The following FGD5 variants were observed in gnomAD, a reference collection of about 807,000 sequenced individuals.
FGD5 encodes FYVE, RhoGEF and PH domain-containing protein 5.
FGD5 carries 28 observed loss-of-function variants against 133.4 expected under a neutral mutation model. That is an observed-to-expected ratio of 0.21 (90% CI 0.16 to 0.29). The LOEUF is 0.29. Among genes scored for constraint, FGD5 ranks in the 10% least tolerant of loss-of-function variants. The probability of loss-of-function intolerance (pLI) is 1.00; values close to 1 mark genes in which losing one functional copy is unlikely to be tolerated. For missense variants in FGD5, 1,858 were observed against 1,895.2 expected (o/e 0.98, Z 0.36); for synonymous variants, 810 against 776.5 (o/e 1.04, Z -0.72).
At chr3:14,894,054 G>A (rs143017334) in intron 4 of FGD5, among the ~76,000 whole-genome samples, 7 of 152,078 alleles carry the variant, frequency 4.6e-5, no homozygotes, top group African/African-American at 1.2e-4. Context: ...CACTGTGGCC[G>A]GCCTTGTTTC....
chr3:14,902,791 C>G (rs2038266590), intron 9 of FGD5, among the ~76,000 whole-genome samples: 1 of 152,284 alleles, frequency 6.6e-6, no homozygotes, highest in South Asian at 2.1e-4. Context: ...CCACATTTCC[C>G]TTTAGCCGGG....
chr3:14,924,147 G>A lies in FGD5; in HGVS notation c.4068+9G>A. 6.2e-7 allele frequency: 1 copy of A among 1,613,978 alleles called. No individual in the cohort carries two copies. The highest frequency in any genetic ancestry group is 8.5e-7 in the Non-Finnish European group (1 of 1,179,890). On this transcript the variant is annotated intron_variant, in intron 17 of 19. Coordinates refer to ENST00000285046, the MANE Select transcript of FGD5 (RefSeq NM_152536.4). ...CTTCAGCCCTGACAGAGGTAAAGCA[G>A]GCAGGGCTACCCAAGTGGGAAGTAG...
intron 1 of FGD5, among the ~76,000 whole-genome samples, chr3:14,854,722 C>A (rs1002292226): frequency 6.6e-6 from 1 of 152,060 alleles, no homozygotes; most frequent in East Asian, 1.9e-4. Context: ...ACCTGGCCCT[C>A]TTTTATTTTT....
chr3:14,844,468 C>T (rs1467973274), intron 1 of FGD5, among the ~76,000 whole-genome samples: 5 of 150,912 alleles, frequency 3.3e-5, no homozygotes, highest in Non-Finnish European at 7.4e-5. Context: ...TTCCAGGAAT[C>T]TTGGGGCCAA....
rs182441976 is a variant in FGD5 at position 14,820,755 on chromosome 3, G to T, written c.1684G>T (p.Val562Leu). The change falls in exon 1 of 20, where the codon GTG becomes TTG. Residue 562 changes from valine to leucine, a missense_variant. Val to Leu is a conservative substitution (Grantham distance 32). Transcript: ENST00000285046. Reference sequence around the variant, plus strand: ...GGAAGGCCGAGAGATTCCAGTGTCCGTGTACCAGGAGCCTGAGGGGTCAGG... The same window carrying T: ...GGAAGGCCGAGAGATTCCAGTGTCCTTGTACCAGGAGCCTGAGGGGTCAGG... ...SVEGREIPVSVYQEPEGSGLD... is the reference protein window; with the variant it reads ...SVEGREIPVSLYQEPEGSGLD... 6 of 1,612,272 alleles carry T rather than the reference G, an allele frequency of 3.7e-6. No homozygotes were observed. The highest frequency in any genetic ancestry group is 5.1e-6 in the Non-Finnish European group (6 of 1,179,232).
chr3:14,824,019 G>A (rs1276102363), intron 1 of FGD5, among the ~76,000 whole-genome samples: 7 of 152,200 alleles, frequency 4.6e-5, no homozygotes, highest in African/African-American at 1.7e-4. Flanking sequence ...ACAGCCTAGG[G>A]CCTTGGTTGA....
intron 1 of FGD5, 32 bp downstream of exon 1, chr3:14,821,628 GC>G: frequency 6.6e-7 from 1 of 1,523,662 alleles, no homozygotes; most frequent in Non-Finnish European, 8.8e-7. Context: ...TTCTTGTTCG[GC>G]AGCTGTAACT....
chr3:14,934,264 G>A lies in FGD5; in HGVS notation c.*1097G>A, dbSNP rs1280402333. On this transcript the variant is annotated 3_prime_UTR_variant, in exon 20 of 20. Transcript: ENST00000285046. ...CTGAGGCTGTTCTATGGGCACTTGG[G>A]GCTAAATCGCCTCCTGAGGGTGACT... is the stretch of plus-strand genomic sequence containing the variant. The A allele has an allele frequency of 1.3e-5, 2 of 152,160 alleles. No individual in the cohort carries two copies. Among genetic ancestry groups the A allele is most frequent in the Non-Finnish European group, 2.9e-5 (2 of 68,036 alleles). 9.4% of individuals were successfully genotyped at this position (152,160 alleles called of 1,614,324 possible). A position where few individuals can be genotyped will look rare whatever the true frequency, so the allele number is the denominator to read the frequency against.
At chr3:14,871,059 C>T (rs545014633) in intron 2 of FGD5, among the ~76,000 whole-genome samples, 2 of 152,318 alleles carry the variant, frequency 1.3e-5, no homozygotes, top group East Asian at 1.9e-4. Context: ...GAAGTGTGCT[C>T]CCTGCCCTTT....
At chr3:14,900,084 G>A (rs1205772418) in intron 7 of FGD5, among the ~76,000 whole-genome samples, 1 of 152,206 alleles carries the variant, frequency 6.6e-6, no homozygotes, top group Admixed American at 6.5e-5. Context: ...CGGCTGTGCT[G>A]ATTGCCATGT....
At chr3:14,812,829 C>G (rs1337266738) in intron 1 of FGD5, among the ~76,000 whole-genome samples, 1 of 152,218 alleles carries the variant, frequency 6.6e-6, no homozygotes, top group African/African-American at 2.4e-5. Context: ...CTAGAAAGAA[C>G]AGTGTCTGTA....
chr3:14,933,018 G>T, intron 19 of FGD5, 113 bp from the exon 20 acceptor site: 1 of 1,244,272 alleles, frequency 8.0e-7, no homozygotes, highest in South Asian at 1.3e-5. Context: ...ATTACGACAT[G>T]GTCCTTGACT....
chr3:14,916,064 C>T (rs556535093), intron 11 of FGD5, among the ~76,000 whole-genome samples: 2 of 152,108 alleles, frequency 1.3e-5, no homozygotes, highest in South Asian at 2.1e-4. Context: ...GTAGAGGACT[C>T]CCCTGGTTCA....
At chr3:14,842,368 G>A (rs1310617815) in intron 1 of FGD5, among the ~76,000 whole-genome samples, 8 of 151,828 alleles carry the variant, frequency 5.3e-5, no homozygotes, top group African/African-American at 1.5e-4. Context: ...AACCCCCACC[G>A]GATCCCCACC....
intron 1 of FGD5, among the ~76,000 whole-genome samples, chr3:14,853,799 G>A (rs368222315): frequency 2.0e-5 from 3 of 147,506 alleles, no homozygotes; most frequent in African/African-American, 7.5e-5. Flanking sequence ...CCACGTGGAG[G>A]CACATATCCT....
chr3:14,918,043 C>T (rs1485486610), intron 12 of FGD5, among the ~76,000 whole-genome samples: 1 of 152,240 alleles, frequency 6.6e-6, no homozygotes, highest in Non-Finnish European at 1.5e-5. Context: ...CAATCCTCTG[C>T]CGATGGACAC....
intron 10 of FGD5, among the ~76,000 whole-genome samples, chr3:14,909,345 C>T (rs1353949249): frequency 1.3e-5 from 2 of 152,304 alleles, no homozygotes; most frequent in South Asian, 4.1e-4. Context: ...GCACTACGAA[C>T]ATATATAATT....
In FGD5 at chr3:14,820,145, C is replaced by T. The variant is rs1227030906; in HGVS notation, c.1074C>T (p.Cys358=). The change falls in exon 1 of 20, where the codon TGC becomes TGT. Residue 358 remains cysteine (C), a synonymous_variant. Coordinates refer to ENST00000285046, the MANE Select transcript of FGD5 (RefSeq NM_152536.4). ...EFFPTESTSF[C]SESCSPLSES... is the part of the protein sequence containing the mutation. ...TCCCAACTGAGAGCACCTCTTTTTG[C>T]AGCGAGAGCTGTTCTCCTCTTTCTG... The T allele has an allele frequency of 2.5e-6, 4 of 1,613,882 alleles. No individual in the cohort carries two copies. The highest frequency in any genetic ancestry group is 2.7e-5 in the African/African-American group (2 of 74,930).
chr3:14,878,005 G>A (rs1324432216), intron 2 of FGD5, among the ~76,000 whole-genome samples: 1 of 152,200 alleles, frequency 6.6e-6, no homozygotes. Context: ...CCCTGGGGTG[G>A]AAAATGATTT....
Sources: gnomAD v4.1 joint callset for allele counts (sites outside exome capture counted in the v4.1 genomes callset) on GRCh38, gnomAD v4.1.1 for gene constraint, MANE v1.5 for transcripts, NCBI Gene and HGNC (gene_info 2026-07-23, HGNC 2026-07-21) for gene names.